GRM3: variants seen among roughly 807,000 people sequenced by gnomAD.
GRM3 encodes the protein metabotropic glutamate receptor 3.
A neutral mutation model predicts 70.5 loss-of-function variants in GRM3; 26 were observed. The ratio of observed to expected loss-of-function variants is 0.37; its 90% CI spans 0.27 to 0.51. The LOEUF is 0.51. Among genes scored for constraint, GRM3 ranks in the 20% least tolerant of loss-of-function variants. The pLI is 0.93. For synonymous variants in GRM3, 443 were observed against 434.9 expected (o/e 1.02, Z -0.23); for missense variants, 859 against 1,123.8 (o/e 0.76, Z 3.37).
chr7:86,854,229 A>C (rs1378587148), intron 5 of GRM3, among the ~76,000 whole-genome samples: 1 of 152,214 alleles, frequency 6.6e-6, no homozygotes, highest in Admixed American at 6.5e-5. Context: ...GTACAGCCAT[A>C]TCAATTCCAA....
In GRM3 at chr7:86,839,176, G is replaced by A. The variant is rs1365037826; in HGVS notation, c.1662G>A (p.Trp554Ter). 2 of 1,613,226 alleles carry A rather than the reference G, an allele frequency of 1.2e-6. No homozygotes were observed. Among genetic ancestry groups the A allele is most frequent in the Non-Finnish European group, 1.7e-6 (2 of 1,179,174 alleles). Reference sequence around the variant, plus strand: ...GTATGGATTGTGGGTCTGGACAGTGGCCCACTGCAGACCTAACTGGATGCT... The same window carrying A: ...GTATGGATTGTGGGTCTGGACAGTGACCCACTGCAGACCTAACTGGATGCT... The part of the protein sequence containing the change: ...FTCMDCGSGQ[W>*]PTADLTGCYD... The change falls in exon 4 of 6, where the codon TGG becomes TGA. Residue 554 changes from tryptophan to a stop codon, truncating the protein, a stop_gained. Coordinates refer to ENST00000361669, the MANE Select transcript of GRM3 (RefSeq NM_000840.3). LOFTEE classifies it high-confidence loss of function. The surrounding 1 kb of genome is among the most constrained non-coding windows in gnomAD (Gnocchi z 4.5).
chr7:86,791,683 A>T (rs1293144044), intron 3 of GRM3, among the ~76,000 whole-genome samples: 1 of 152,218 alleles, frequency 6.6e-6, no homozygotes, highest in African/African-American at 2.4e-5. Context: ...TTTCTGATCC[A>T]TTCTAAATAT....
chr7:86,765,038 T>A lies in GRM3; in HGVS notation c.-108T>A. On this transcript the variant is annotated 5_prime_UTR_variant, in exon 2 of 6. Transcript: ENST00000361669. ...GTGACAGGCTCTGTTAGTCTGTTCC[T>A]CCCTTATTTGAAGGACAGGCCAAAG... 1 of 1,492,872 alleles carries A rather than the reference T, an allele frequency of 6.7e-7. No homozygotes were observed. The highest frequency in any genetic ancestry group is 8.8e-7 in the Non-Finnish European group (1 of 1,130,068). 92.5% of individuals were successfully genotyped at this position (1,492,872 alleles called of 1,614,324 possible). A position where few individuals can be genotyped will look rare whatever the true frequency, so the allele number is the denominator to read the frequency against.
chr7:86,859,090 T>C (rs1181985931), intron 5 of GRM3, among the ~76,000 whole-genome samples: 1 of 152,148 alleles, frequency 6.6e-6, no homozygotes, highest in Admixed American at 6.5e-5. Flanking sequence ...CAAGTCATCC[T>C]GCGACCTCAG....
At chr7:86,673,777 C>A (rs1794234454) in intron 1 of GRM3, among the ~76,000 whole-genome samples, 1 of 152,088 alleles carries the variant, frequency 6.6e-6, no homozygotes, top group African/African-American at 2.4e-5. Context: ...TGTATGTCAG[C>A]AACACTCTTA....
rs375700815 is a variant in GRM3, at chr7:86,695,076, C to A, written c.-141+50204C>A. ...TCATTTGCTTGATTCCTGGACAAAT[C>A]ACATAAAATAAAGGAGTCCATAAAT... On this transcript the variant is annotated intron_variant, in intron 1 of 5. Transcript: ENST00000361669. Among the ~76,000 whole-genome samples the A allele has an allele frequency of 2.0e-5, 3 of 152,242 alleles. No individual in the cohort carries two copies. In the East Asian group the frequency reaches 5.8e-4, roughly 29 times the overall value.
intron 1 of GRM3, among the ~76,000 whole-genome samples, chr7:86,754,846 T>C (rs557360662): frequency 2.0e-4 from 31 of 152,228 alleles, no homozygotes; most frequent in African/African-American, 7.5e-4. Flanking sequence ...TATATCCCCA[T>C]TCCTTGGCTC....
At chr7:86,685,512 C>T (rs988807589) in intron 1 of GRM3, among the ~76,000 whole-genome samples, 20 of 152,248 alleles carry the variant, frequency 1.3e-4, no homozygotes, top group East Asian at 3.9e-4. Context: ...CATTCACTTT[C>T]GAAACAGCAT....
chr7:86,839,788 G>T lies in GRM3; in HGVS notation c.2274G>T (p.Thr758=). The part of the protein sequence containing the change: ...VILCTVYAFK[T]RKCPENFNEA... Reference sequence around the variant, plus strand: ...TATGCACTGTGTACGCCTTCAAAACGCGGAAGTGCCCAGAAAATTTCAACG... The same window carrying T: ...TATGCACTGTGTACGCCTTCAAAACTCGGAAGTGCCCAGAAAATTTCAACG... The change falls in exon 4 of 6, where the codon ACG becomes ACT. Residue 758 remains threonine, a synonymous_variant. Transcript: ENST00000361669. This position sits in a 1 kb window ranked among gnomAD's most constrained non-coding sequence, Gnocchi z 4.5. 1 of 1,613,856 alleles carries T rather than the reference G, an allele frequency of 6.2e-7. No homozygotes were observed.
chr7:86,814,425 GC>G (rs1797976240), intron 3 of GRM3, among the ~76,000 whole-genome samples: 1 of 151,564 alleles, frequency 6.6e-6, no homozygotes, highest in Admixed American at 6.6e-5. Flanking sequence ...TCATTCTTAT[GC>G]CTTTGCATCC....
intron 1 of GRM3, among the ~76,000 whole-genome samples, chr7:86,713,885 A>C (rs143885991): frequency 6.2e-4 from 94 of 152,080 alleles, no homozygotes; most frequent in African/African-American, 2.3e-3. Flanking sequence ...GGCCCCTACT[A>C]CTGGGTTCGG....
intron 1 of GRM3, among the ~76,000 whole-genome samples, chr7:86,759,125 C>T (rs910944325): frequency 6.6e-6 from 1 of 152,146 alleles, no homozygotes; most frequent in African/African-American, 2.4e-5. Context: ...CTGGCCTCCT[C>T]TATTCTGCCC....
chr7:86,760,349 G>T (rs1041390597), intron 1 of GRM3, among the ~76,000 whole-genome samples: 2 of 152,122 alleles, frequency 1.3e-5, no homozygotes, highest in Non-Finnish European at 2.9e-5. Flanking sequence ...ATTAATGCAT[G>T]AATTAATAAA....
intron 3 of GRM3, among the ~76,000 whole-genome samples, chr7:86,832,266 T>TC (rs1798367278): frequency 6.9e-6 from 1 of 144,842 alleles, no homozygotes; most frequent in African/African-American, 2.8e-5. Context: ...TTTTTTTTTT[T>TC]TGAGTTGGAG....
chr7:86,831,008 C>T (rs1798340607), intron 3 of GRM3, among the ~76,000 whole-genome samples: 1 of 152,164 alleles, frequency 6.6e-6, no homozygotes, highest in African/African-American at 2.4e-5. Context: ...AAGAGAGAGG[C>T]ATGGGAGAGA....
chr7:86,709,844 G>A (rs1185676719), intron 1 of GRM3, among the ~76,000 whole-genome samples: 1 of 152,236 alleles, frequency 6.6e-6, no homozygotes, highest in East Asian at 1.9e-4. Flanking sequence ...AGACTTAGTA[G>A]ATGTAGTGAG....
Position 86,803,241 on chromosome 7 carries a change from A to C in GRM3, c.1324+16125A>C, listed in dbSNP as rs1020873504. Among the ~76,000 whole-genome samples, 6 of 152,216 alleles carry C rather than the reference A, an allele frequency of 3.9e-5. No homozygotes were observed. In the South Asian group the frequency reaches 1.2e-3, roughly 31 times the overall value. ...TTTTAAACAACAGATATACAAACAA[A>C]ATATATCTAAATGTAAAGCCAACAT... On this transcript the variant is annotated intron_variant, in intron 3 of 5. Transcript: ENST00000361669.
intron 3 of GRM3, among the ~76,000 whole-genome samples, chr7:86,797,082 AG>A (rs1394003801): frequency 2.0e-5 from 3 of 152,188 alleles, no homozygotes; most frequent in Non-Finnish European, 4.4e-5. Flanking sequence ...ACCCAGTCTC[AG>A]GTATGTCTTT....
At chr7:86,694,175 C>A (rs1488776658) in intron 1 of GRM3, among the ~76,000 whole-genome samples, 1 of 152,082 alleles carries the variant, frequency 6.6e-6, no homozygotes. Flanking sequence ...TGGGAAATAT[C>A]TCTAACAACT....
Sources: allele counts gnomAD v4.1 joint callset (sites outside exome capture counted in the v4.1 genomes callset), GRCh38; gene constraint gnomAD v4.1.1; non-coding constraint Gnocchi (gnomAD v3.1); transcripts MANE v1.5; gene names NCBI Gene and HGNC (gene_info 2026-07-23, HGNC 2026-07-21).